The following LAMA2 variants were observed in gnomAD, a reference collection of about 807,000 sequenced individuals.
LAMA2 encodes the protein laminin subunit alpha-2.
In LAMA2, 269 loss-of-function variants were observed where a neutral mutation model predicts 364.8. The ratio of observed to expected loss-of-function variants is 0.74; its 90% CI spans 0.67 to 0.82. The LOEUF (loss-of-function observed/expected upper bound fraction) is 0.82. Ranked by LOEUF, LAMA2 falls within the 40% of genes least tolerant of loss-of-function variation. The pLI, the probability that LAMA2 is intolerant of heterozygous loss-of-function variation, is 0.00. For missense variants in LAMA2, 3,807 were observed against 3,873.2 expected, an observed-to-expected ratio of 0.98 and a Z score of 0.45; for synonymous variants, 1,379 against 1,370.6, an observed-to-expected ratio of 1.01 and a Z score of -0.14.
At chr6:129,214,796 G>T (rs1198672626) in intron 12 of LAMA2, among the ~76,000 whole-genome samples, 1 of 152,110 alleles carries the variant, frequency 6.6e-6, no homozygotes, top group Non-Finnish European at 1.5e-5. Context: ...TTTAGAATCA[G>T]TGTGTTGATA....
chr6:129,218,898 A>G (rs1186916710), intron 12 of LAMA2, among the ~76,000 whole-genome samples: 1 of 152,170 alleles, frequency 6.6e-6, no homozygotes, highest in Non-Finnish European at 1.5e-5. Context: ...TTCAATATTT[A>G]TATGTAAAAC....
At chr6:129,512,298 G>A (rs374526049) in intron 62 of LAMA2, 65 bp from the exon 63 acceptor site, 1 of 1,453,796 alleles carries the variant, frequency 6.9e-7, no homozygotes, top group Non-Finnish European at 9.6e-7. Context: ...GTCATGCATT[G>A]TACACGTTTG....
At chr6:129,500,269 A>T (rs900538914) in intron 58 of LAMA2, among the ~76,000 whole-genome samples, 3 of 152,170 alleles carry the variant, frequency 2.0e-5, no homozygotes, top group Non-Finnish European at 4.4e-5. Flanking sequence ...CAGTTTAATA[A>T]AGGAAGGTGA....
intron 4 of LAMA2, among the ~76,000 whole-genome samples, chr6:129,123,601 G>A (rs1192960111): frequency 6.6e-6 from 1 of 151,938 alleles, no homozygotes; most frequent in East Asian, 1.9e-4. Context: ...ACAACATGAA[G>A]GACATTATGT....
chr6:128,924,208 A>C lies in LAMA2; in HGVS notation c.112+40851A>C, dbSNP rs75473550. 2.1e-3 allele frequency among the ~76,000 whole-genome samples: 321 copies of C among 151,880 alleles called. 1 individual carries two copies. The highest frequency in any genetic ancestry group is 7.5e-3 in the African/African-American group (309 of 41,286). On this transcript the variant is annotated intron_variant, in intron 1 of 64. Transcript: ENST00000421865. ...TTTTTACAAGCTTCTTTTCATATAT[A>C]TATACACACACACACATATGTATTT...
Position 129,059,797 on chromosome 6 carries a change from T to G in LAMA2, c.297T>G (p.Ile99Met). The G allele has an allele frequency of 6.2e-7, 1 of 1,602,386 alleles. No individual in the cohort carries two copies. The highest frequency in any genetic ancestry group is 8.6e-7 in the Non-Finnish European group (1 of 1,169,280). The change falls in exon 3 of 65, where the codon ATT becomes ATG. Residue 99 changes from isoleucine to methionine, a missense_variant. By Grantham distance (10) the Ile-to-Met change is conservative. Coordinates refer to ENST00000421865, the MANE Select transcript of LAMA2 (RefSeq NM_000426.4). ...CTAACTCAATAGAGAGACACCCGAT[T>G]ACAAATGCTATTGATGGAAAGAACA... ...NSSNPNQRHPITNAIDGKNTW... is the reference protein window; with the variant it reads ...NSSNPNQRHPMTNAIDGKNTW...
At chr6:129,443,025 T>A (rs746700227) in intron 43 of LAMA2, 38 bp from the exon 44 acceptor site, 70 of 1,416,600 alleles carry the variant, frequency 4.9e-5, no homozygotes, top group Non-Finnish European at 5.1e-5. Context: ...GAATTTATAA[T>A]TTTTTTTTGT....
At chr6:128,910,896 A>G (rs1421040234) in intron 1 of LAMA2, among the ~76,000 whole-genome samples, 30 of 151,570 alleles carry the variant, frequency 2.0e-4, no homozygotes, top group Middle Eastern at 3.4e-3. Context: ...GTACCCTGCC[A>G]TGTGAGGTGT....
At chr6:128,965,023 C>T (rs1295153193) in intron 1 of LAMA2, among the ~76,000 whole-genome samples, 1 of 151,836 alleles carries the variant, frequency 6.6e-6, no homozygotes, top group East Asian at 1.9e-4. Context: ...TAAGAGGAGT[C>T]CCCTCATGAA....
rs1397991324 is a variant in LAMA2, at chr6:129,314,729, C to T, written c.3486C>T (p.Gly1162=). ...GACTCGATGCCAAGAATCCACTTGG[C>T]TGCAGCAGCTGCTATTGCTTCGGCA... The part of the protein sequence containing the change: ...KFGLDAKNPL[G]CSSCYCFGTT... The change falls in exon 24 of 65, where the codon GGC becomes GGT. Residue 1162 remains glycine (G), a synonymous_variant. Transcript: ENST00000421865. The T allele has an allele frequency of 4.3e-6, 7 of 1,613,818 alleles. No homozygotes were observed. Among genetic ancestry groups the T allele is most frequent in the African/African-American group, 1.3e-5 (1 of 74,916 alleles).
chr6:129,123,747 A>G (rs1219262300), intron 4 of LAMA2, among the ~76,000 whole-genome samples: 1 of 152,166 alleles, frequency 6.6e-6, no homozygotes, highest in African/African-American at 2.4e-5. Context: ...GGGAAACAGG[A>G]AAGTATTAGT....
rs371701050 is a variant in LAMA2, at chr6:129,155,662, G to GA, written c.1206+984dup. On this transcript the variant is annotated intron_variant, in intron 8 of 64. Coordinates refer to ENST00000421865, the MANE Select transcript of LAMA2 (RefSeq NM_000426.4). ...ACCTGAAGTTCTAGCACCATTTGTT[G>GA]AAAAATCAATTGATCATATTACATG... Among the ~76,000 whole-genome samples, 986 of 152,106 alleles carry GA rather than the reference G, an allele frequency of 6.5e-3. 9 individuals are homozygous for GA. The highest frequency in any genetic ancestry group is 0.023 in the African/African-American group (946 of 41,518).
intron 1 of LAMA2, among the ~76,000 whole-genome samples, chr6:128,954,264 C>A (rs1207539331): frequency 1.3e-5 from 2 of 151,920 alleles, no homozygotes; most frequent in African/African-American, 2.4e-5. Context: ...AGACGGCTAT[C>A]ATTTTAGCTG....
chr6:128,908,523 T>C (rs879402646), intron 1 of LAMA2, among the ~76,000 whole-genome samples: 19,052 of 144,646 alleles, frequency 0.13, 1,594 homozygotes, highest in African/African-American at 0.25. Flanking sequence ...GATTCTTCTC[T>C]CTTTTTTTCT....
chr6:129,412,086 A>G (rs1780565612), intron 40 of LAMA2, among the ~76,000 whole-genome samples: 1 of 152,202 alleles, frequency 6.6e-6, no homozygotes, highest in Non-Finnish European at 1.5e-5. Context: ...AATAAAATTG[A>G]CAATATTCGA....
chr6:129,009,794 T>C (rs1784654941), intron 1 of LAMA2, among the ~76,000 whole-genome samples: 1 of 152,188 alleles, frequency 6.6e-6, no homozygotes, highest in Non-Finnish European at 1.5e-5. Flanking sequence ...CCAGATGACC[T>C]TCCCTATAAG....
intron 22 of LAMA2, among the ~76,000 whole-genome samples, chr6:129,307,739 A>G (rs1773968376): frequency 6.6e-6 from 1 of 152,264 alleles, no homozygotes; most frequent in Admixed American, 6.5e-5. Context: ...GAGGCTGTTC[A>G]AAAGAAGAAT....
At chr6:129,425,364 ATCT>A (rs1781274473) in intron 40 of LAMA2, among the ~76,000 whole-genome samples, 1 of 151,892 alleles carries the variant, frequency 6.6e-6, no homozygotes, top group African/African-American at 2.4e-5. Context: ...TGTTTGGGCC[ATCT>A]TCCTCTTTTC....
chr6:129,378,401 C>A (rs1044815266), intron 34 of LAMA2, among the ~76,000 whole-genome samples: 3 of 152,182 alleles, frequency 2.0e-5, no homozygotes, highest in African/African-American at 7.2e-5. Flanking sequence ...CTATCTATCA[C>A]CACTACCCAT....
Sources: gnomAD v4.1 joint callset for allele counts (sites outside exome capture counted in the v4.1 genomes callset) on GRCh38, gnomAD v4.1.1 for gene constraint, MANE v1.5 for transcripts, NCBI Gene and HGNC (gene_info 2026-07-23, HGNC 2026-07-21) for gene names.